COG5: variants seen among roughly 807,000 people sequenced by gnomAD.
The protein encoded by COG5 is conserved oligomeric Golgi complex subunit 5.
Under a neutral mutation model 110.4 loss-of-function variants are expected in COG5, and 86 were observed. The ratio of observed to expected loss-of-function variants is 0.78; its 90% CI spans 0.65 to 0.93. The LOEUF is 0.93. Among genes scored for constraint, COG5 ranks in the 40% least tolerant of loss-of-function variants. The pLI is 0.00. For synonymous variants in COG5, 360 were observed against 334.6 expected (o/e 1.08, Z -0.83); for missense variants, 1,077 against 987.0 (o/e 1.09, Z -1.22).
chr7:107,229,018 C>T (rs574761015), intron 19 of COG5, among the ~76,000 whole-genome samples: 2 of 151,866 alleles, frequency 1.3e-5, no homozygotes, highest in African/African-American at 2.4e-5. Context: ...TTATCTTATC[C>T]TTATTGAGAA....
At chr7:107,268,771 A>T (rs1191988055) in intron 14 of COG5, among the ~76,000 whole-genome samples, 1 of 152,198 alleles carries the variant, frequency 6.6e-6, no homozygotes, top group Non-Finnish European at 1.5e-5. Flanking sequence ...CTTAAGGTCT[A>T]TTCTGTCTAA....
At chr7:107,346,251 T>C (rs1385766314) in intron 10 of COG5, among the ~76,000 whole-genome samples, 1 of 152,232 alleles carries the variant, frequency 6.6e-6, no homozygotes, top group Non-Finnish European at 1.5e-5. Context: ...AAGTTTTCTT[T>C]CTTCAGATAA....
intron 19 of COG5, 91 bp downstream of exon 19, chr7:107,230,524 G>T: frequency 1.0e-6 from 1 of 957,388 alleles, no homozygotes. Flanking sequence ...AAAAATGGTT[G>T]AATATTGGCA....
At chr7:107,299,852 T>TGGA in intron 11 of COG5, among the ~76,000 whole-genome samples, 18 of 127,072 alleles carry the variant, frequency 1.4e-4, no homozygotes, top group African/African-American at 5.0e-4. Context: ...TATATATATA[T>TGGA]ATATATCTGG....
At chr7:107,543,937 C>A (rs1448560519) in intron 5 of COG5, among the ~76,000 whole-genome samples, 4 of 152,076 alleles carry the variant, frequency 2.6e-5, no homozygotes, top group Admixed American at 6.5e-5. Flanking sequence ...GCCAGGCCTG[C>A]CCCCAAGACC....
chr7:107,211,765 T>A (rs1011828003), intron 19 of COG5, among the ~76,000 whole-genome samples: 1 of 152,242 alleles, frequency 6.6e-6, no homozygotes, highest in South Asian at 2.1e-4. Context: ...CCTTATACTA[T>A]ATTACATGTA....
chr7:107,360,917 C>A (rs1256745617), intron 10 of COG5, among the ~76,000 whole-genome samples: 1 of 152,218 alleles, frequency 6.6e-6, no homozygotes, highest in Non-Finnish European at 1.5e-5. Context: ...GATATTCAGG[C>A]AGAAGGCACC....
chr7:107,449,920 G>T (rs975083730), intron 6 of COG5, among the ~76,000 whole-genome samples: 6 of 152,240 alleles, frequency 3.9e-5, no homozygotes, highest in Admixed American at 3.9e-4. Context: ...TATGATTCAA[G>T]AAATAGTGAG....
chr7:107,230,077 C>T (rs1800671882), intron 19 of COG5, among the ~76,000 whole-genome samples: 1 of 152,000 alleles, frequency 6.6e-6, no homozygotes, highest in Admixed American at 6.6e-5. Context: ...TCTTGATCTC[C>T]TGACCTCAGA....
intron 6 of COG5, among the ~76,000 whole-genome samples, chr7:107,487,519 G>T (rs183327247): frequency 6.6e-6 from 1 of 152,056 alleles, no homozygotes; most frequent in East Asian, 1.9e-4. Flanking sequence ...ATTTTTAAAT[G>T]CTTATGACTA....
chr7:107,256,749 T>C lies in COG5; in HGVS notation c.1732A>G (p.Ile578Val), dbSNP rs1418790227. 8.1e-6 allele frequency: 13 copies of C among 1,609,460 alleles called. No homozygotes were observed. Among genetic ancestry groups the C allele is most frequent in the Admixed American group, 1.7e-5 (1 of 59,804 alleles). Residue 578 changes from isoleucine (I) to valine (V), a missense_variant, in exon 16 of 22, where the codon ATA becomes GTA. By Grantham distance (29) the Ile-to-Val change is conservative. Transcript: ENST00000297135. ...SSFPLAAEQTIISALKAIHAL... is the reference protein window; with the variant it reads ...SSFPLAAEQTVISALKAIHAL... Reference sequence around the variant, plus strand: ...TCTTTTACCTTTAGAGCTGAAATTATAGTTTGCTCAGCTGCCAGTGGGAAT... The same window carrying C: ...TCTTTTACCTTTAGAGCTGAAATTACAGTTTGCTCAGCTGCCAGTGGGAAT...
At position 107,202,649 on chromosome 7, in the gene COG5, T is replaced by C. The variant is rs1003504113; in HGVS notation, c.*867A>G. ...AAGGCAAATTCCTAACACTGCTAATTAGGAGGCTGCTGATAGGATTTTAAA... is the reference window on the plus strand; with the variant it reads ...AAGGCAAATTCCTAACACTGCTAATCAGGAGGCTGCTGATAGGATTTTAAA... On this transcript the variant is annotated 3_prime_UTR_variant, in exon 22 of 22. Coordinates refer to ENST00000297135, the MANE Select transcript of COG5 (RefSeq NM_006348.5). The C allele has an allele frequency of 2.0e-5, 3 of 152,148 alleles. No homozygotes were observed. Among genetic ancestry groups the C allele is most frequent in the Non-Finnish European group, 2.9e-5 (2 of 68,014 alleles). The allele number at this position is 152,148 out of a possible 1,614,324, so 9.4% of individuals were successfully genotyped here.
intron 5 of COG5, among the ~76,000 whole-genome samples, chr7:107,536,292 A>G (rs1253027299): frequency 6.6e-6 from 1 of 152,238 alleles, no homozygotes; most frequent in East Asian, 1.9e-4. Context: ...AGAGAAAGAA[A>G]TAAAGGGTAT....
intron 5 of COG5, among the ~76,000 whole-genome samples, chr7:107,541,521 A>AAAAAAAAATAT (rs1802011733): frequency 1.7e-5 from 1 of 58,982 alleles, no homozygotes; most frequent in Non-Finnish European, 3.7e-5. Flanking sequence ...AAAAAAAAAA[A>AAAAAAAAATAT]AAATATATAT....
chr7:107,496,657 C>CAA (rs1010946735), intron 6 of COG5, among the ~76,000 whole-genome samples: 137 of 90,280 alleles, frequency 1.5e-3, no homozygotes, highest in Admixed American at 2.2e-3. Flanking sequence ...GACTCTGTCT[C>CAA]AAAAAAAAAA....
intron 12 of COG5, among the ~76,000 whole-genome samples, chr7:107,296,061 C>T (rs138903900): frequency 6.0e-4 from 91 of 152,012 alleles, no homozygotes; most frequent in Admixed American, 1.9e-3. Flanking sequence ...CCAAAGTTCA[C>T]GGTCTTTCTT....
At chr7:107,386,643 G>A (rs1051042383) in intron 7 of COG5, among the ~76,000 whole-genome samples, 1 of 152,148 alleles carries the variant, frequency 6.6e-6, no homozygotes, top group Non-Finnish European at 1.5e-5. Context: ...TATTTAAACA[G>A]CTGCTTGAAG....
At chr7:107,263,047 G>A (rs929606539) in intron 14 of COG5, among the ~76,000 whole-genome samples, 1 of 152,166 alleles carries the variant, frequency 6.6e-6, no homozygotes, top group Admixed American at 6.5e-5. Context: ...CTGGCTAGGG[G>A]CCAAAGGAAC....
chr7:107,426,624 C>T (rs1306158385), intron 6 of COG5, among the ~76,000 whole-genome samples: 1 of 152,094 alleles, frequency 6.6e-6, no homozygotes, highest in East Asian at 1.9e-4. Flanking sequence ...CATAAGGGCT[C>T]CACCATGATG....
Sources: allele counts gnomAD v4.1 joint callset (sites outside exome capture counted in the v4.1 genomes callset), GRCh38; gene constraint gnomAD v4.1.1; transcripts MANE v1.5; gene names NCBI Gene and HGNC (gene_info 2026-07-23, HGNC 2026-07-21).